Variants in ARL15 observed in about 807,000 individuals in gnomAD.
ARL15 encodes ADP-ribosylation factor-like protein 15.
ARL15 carries 19 observed loss-of-function variants against 25.2 expected under a neutral mutation model. The ratio of observed to expected loss-of-function variants is 0.75; its 90% CI spans 0.53 to 1.10. The LOEUF is 1.10. ARL15 is among the 50% of genes least tolerant of loss of function. The pLI is 0.00. For missense variants in ARL15, 220 were observed against 246.0 expected (o/e 0.89, Z 0.71); for synonymous variants, 94 against 86.8 (o/e 1.08, Z -0.46).
chr5:54,259,103 AG>A (rs1236159898), intron 1 of ARL15, among the ~76,000 whole-genome samples: 2 of 152,158 alleles, frequency 1.3e-5, no homozygotes, highest in African/African-American at 4.8e-5. Context: ...AGAGCCTAAT[AG>A]GGTGCACCTA....
intron 1 of ARL15, among the ~76,000 whole-genome samples, chr5:54,231,655 G>A (rs1257473592): frequency 6.6e-6 from 1 of 152,124 alleles, no homozygotes; most frequent in Non-Finnish European, 1.5e-5. Context: ...CAGTTCTGCA[G>A]GTCGGAAAGT....
At chr5:54,306,650 C>G (rs1758764205) in intron 1 of ARL15, among the ~76,000 whole-genome samples, 1 of 152,282 alleles carries the variant, frequency 6.6e-6, no homozygotes, top group African/African-American at 2.4e-5. Context: ...CTTGCCCTCC[C>G]AAAGTCCTGG....
Position 54,071,751 on chromosome 5 carries a change from T to TAATC in ARL15, c.462+41450_462+41451insGATT, listed in dbSNP as rs372279973. ...CTTTGGGAGGCTGAGGTGGGCAGAT[T>TAATC]ACGAGGTCAGGAGATCGAGACCATC... On this transcript the variant is annotated intron_variant, in intron 4 of 4. Transcript: ENST00000504924. Among the ~76,000 whole-genome samples the TAATC allele has an allele frequency of 5.9e-3, 894 of 151,814 alleles. 8 individuals are homozygous for TAATC. Among genetic ancestry groups the TAATC allele is most frequent in the African/African-American group, 0.02 (847 of 41,430 alleles).
At chr5:54,126,206 C>T (rs11953312) in intron 3 of ARL15, among the ~76,000 whole-genome samples, 35,353 of 151,970 alleles carry the variant, frequency 0.23, 4,598 homozygotes, top group African/African-American at 0.35. Context: ...TCTAATATCA[C>T]GAAAACACTC....
At chr5:54,200,870 T>C (rs773762180) in intron 1 of ARL15, among the ~76,000 whole-genome samples, 1 of 152,192 alleles carries the variant, frequency 6.6e-6, no homozygotes, top group Non-Finnish European at 1.5e-5. Context: ...ATACTTCTTC[T>C]GCAGTGCTTC....
In ARL15 at chr5:53,925,155, A is replaced by T. The variant is rs572798771; in HGVS notation, c.463-38442T>A. ...TATTTGTTTCTTGTGCTACTTCCTA[A>T]CTTGGGCCATTTAAAAACCTACAGT... On this transcript the variant is annotated intron_variant, in intron 4 of 4. Coordinates refer to ENST00000504924, the MANE Select transcript of ARL15 (RefSeq NM_019087.3). Among the ~76,000 whole-genome samples, 13 of 151,484 alleles carry T rather than the reference A, an allele frequency of 8.6e-5. No individual in the cohort carries two copies. In the East Asian group the frequency reaches 2.5e-3, roughly 29 times the overall value.
chr5:54,224,146 A>C (rs2112538381), intron 1 of ARL15, among the ~76,000 whole-genome samples: 1 of 152,304 alleles, frequency 6.6e-6, no homozygotes, highest in African/African-American at 2.4e-5. Flanking sequence ...GAGCGAAGGC[A>C]ATCACAAGGA....
At chr5:54,299,301 T>C (rs1758551640) in intron 1 of ARL15, among the ~76,000 whole-genome samples, 1 of 152,136 alleles carries the variant, frequency 6.6e-6, no homozygotes, top group Non-Finnish European at 1.5e-5. Flanking sequence ...TCCTCAAGTA[T>C]TTTCCTTTCC....
intron 4 of ARL15, among the ~76,000 whole-genome samples, chr5:53,948,837 T>C (rs1320655241): frequency 2.0e-5 from 3 of 152,114 alleles, no homozygotes; most frequent in Non-Finnish European, 1.5e-5. Context: ...CACTGAGAAG[T>C]ACTGCACTAA....
chr5:53,994,277 C>T (rs1748598772), intron 4 of ARL15, among the ~76,000 whole-genome samples: 1 of 152,176 alleles, frequency 6.6e-6, no homozygotes, highest in Non-Finnish European at 1.5e-5. Context: ...GAAAGTTTAG[C>T]TTCTGACTAA....
chr5:53,938,020 G>A (rs1746407955), intron 4 of ARL15, among the ~76,000 whole-genome samples: 1 of 152,076 alleles, frequency 6.6e-6, no homozygotes, highest in African/African-American at 2.4e-5. Context: ...AAATAACAGC[G>A]TTCATTATGA....
At chr5:53,896,837 T>C (rs1744889734) in intron 4 of ARL15, among the ~76,000 whole-genome samples, 1 of 152,184 alleles carries the variant, frequency 6.6e-6, no homozygotes. Flanking sequence ...TTGGAGATAC[T>C]CATTGACAAG....
chr5:54,300,751 A>ATC (rs1390126984), intron 1 of ARL15, among the ~76,000 whole-genome samples: 1 of 152,116 alleles, frequency 6.6e-6, no homozygotes, highest in Non-Finnish European at 1.5e-5. Context: ...GAACACCATC[A>ATC]TCTCATTTCT....
rs148838109 is a variant in ARL15, at chr5:54,103,356, T to C, written c.462+9846A>G. ...TTTTCTTCATTAGACCTTTGTAGTA[T>C]ACCTTCTTATTGGTATTGAAGGTGT... On this transcript the variant is annotated intron_variant, in intron 4 of 4. Transcript: ENST00000504924. Among the ~76,000 whole-genome samples, 445 of 152,290 alleles carry C rather than the reference T, an allele frequency of 2.9e-3. 1 individual carries two copies. The highest frequency in any genetic ancestry group is 9.5e-3 in the African/African-American group (397 of 41,572).
chr5:54,235,555 G>A (rs924084269), intron 1 of ARL15, among the ~76,000 whole-genome samples: 5 of 149,798 alleles, frequency 3.3e-5, no homozygotes, highest in African/African-American at 7.4e-5. Flanking sequence ...ACAGTGGCTC[G>A]CTCATGCCTC....
chr5:54,257,114 T>G (rs766405141), intron 1 of ARL15, among the ~76,000 whole-genome samples: 4 of 152,008 alleles, frequency 2.6e-5, no homozygotes, highest in Admixed American at 6.6e-5. Flanking sequence ...ATGAAAGAAA[T>G]AAAGGGAACC....
intron 4 of ARL15, among the ~76,000 whole-genome samples, chr5:54,065,996 C>T (rs1751219554): frequency 6.6e-6 from 1 of 152,212 alleles, no homozygotes; most frequent in Admixed American, 6.5e-5. Flanking sequence ...ATTACCACTA[C>T]TTCAAACTAA....
intron 4 of ARL15, among the ~76,000 whole-genome samples, chr5:53,903,700 C>G (rs1745142173): frequency 6.6e-6 from 1 of 152,180 alleles, no homozygotes; most frequent in African/African-American, 2.4e-5. Context: ...GAGCTCCGTC[C>G]AGGAGCATCA....
intron 4 of ARL15, among the ~76,000 whole-genome samples, chr5:53,941,402 G>A (rs927644472): frequency 2.6e-5 from 4 of 152,082 alleles, no homozygotes; most frequent in Admixed American, 6.6e-5. Flanking sequence ...ACAGGAGGTC[G>A]GGTAAGTTCA....
Sources: gnomAD v4.1 joint callset for allele counts (sites outside exome capture counted in the v4.1 genomes callset) on GRCh38, gnomAD v4.1.1 for gene constraint, MANE v1.5 for transcripts, NCBI Gene and HGNC (gene_info 2026-07-23, HGNC 2026-07-21) for gene names.